EXOC6B: variants seen among roughly 807,000 people sequenced by gnomAD.
EXOC6B encodes SEC15 homolog B.
A neutral mutation model predicts 113.5 loss-of-function variants in EXOC6B; 54 were observed. That is an observed-to-expected ratio of 0.48 (90% confidence interval 0.38 to 0.60). The LOEUF is 0.60. EXOC6B is among the 20% of genes least tolerant of loss of function. EXOC6B has a pLI of 0.00. For synonymous variants in EXOC6B, 357 were observed against 339.0 expected, an observed-to-expected ratio of 1.05 and a Z score of -0.58; for missense variants, 797 against 977.5, an observed-to-expected ratio of 0.82 and a Z score of 2.46.
At chr2:72,792,410 C>T (rs906803425) in intron 1 of EXOC6B, among the ~76,000 whole-genome samples, 10 of 152,196 alleles carry the variant, frequency 6.6e-5, no homozygotes, top group Non-Finnish European at 1.2e-4. Flanking sequence ...GCCCAGTTAG[C>T]ATGGCATATG....
chr2:72,717,172 G>A (rs1010585358), intron 6 of EXOC6B, among the ~76,000 whole-genome samples: 1 of 152,146 alleles, frequency 6.6e-6, no homozygotes, highest in Middle Eastern at 3.2e-3. Flanking sequence ...ATTCCCTGAG[G>A]AAAGGGTAAC....
Position 72,730,987 on chromosome 2 carries a change from C to T in EXOC6B, c.464+20G>A, listed in dbSNP as rs773720573. ...GAAATTTTAGATAGTAAAAACTGTT[C>T]GATTAAAAAAAAATCTTACCTTTTA... On this transcript the variant is annotated intron_variant, in intron 5 of 21. Coordinates refer to ENST00000272427, the MANE Select transcript of EXOC6B (RefSeq NM_015189.3). 1.1e-5 allele frequency: 16 copies of T among 1,508,392 alleles called. No homozygotes were observed. The highest frequency in any genetic ancestry group is 7.8e-5 in the South Asian group (6 of 76,850). 93.4% of individuals were successfully genotyped at this position (1,508,392 alleles called of 1,614,324 possible).
chr2:72,567,749 A>C (rs909503584), intron 7 of EXOC6B, among the ~76,000 whole-genome samples: 3 of 152,096 alleles, frequency 2.0e-5, no homozygotes, highest in African/African-American at 7.2e-5. Flanking sequence ...AACAAGTGGA[A>C]AATGAAAATG....
chr2:72,279,996 T>C (rs1323893943), intron 20 of EXOC6B, among the ~76,000 whole-genome samples: 2 of 152,124 alleles, frequency 1.3e-5, no homozygotes, highest in East Asian at 3.9e-4. Flanking sequence ...CATCTAACAA[T>C]GATGGCAACA....
Position 72,208,321 on chromosome 2 carries a change from A to C in EXOC6B, c.2197-24134T>G, listed in dbSNP as rs549804296. The stretch of plus-strand genomic sequence containing the variant: ...GCTCAATGTTTTGTTCCCACTTATA[A>C]TTGAGAACATGCAGTGTTTGGCTTT... On this transcript the variant is annotated intron_variant, in intron 20 of 21. Transcript: ENST00000272427. 3.3e-5 allele frequency among the ~76,000 whole-genome samples: 5 copies of C among 152,042 alleles called. No individual in the cohort carries two copies. The South Asian group carries it at 8.3e-4, about 25-fold the overall frequency.
At chr2:72,527,235 T>A (rs903433831) in intron 8 of EXOC6B, among the ~76,000 whole-genome samples, 1 of 152,004 alleles carries the variant, frequency 6.6e-6, no homozygotes, top group African/African-American at 2.4e-5. Flanking sequence ...TTGCAAAAAA[T>A]CCAGTTACAC....
intron 18 of EXOC6B, chr2:72,462,409 T>C (rs1223639473): frequency 1.3e-5 from 2 of 152,134 alleles, no homozygotes; most frequent in African/African-American, 4.8e-5. Context: ...GTTTGAAATG[T>C]TTGAGCCTTG....
intron 20 of EXOC6B, among the ~76,000 whole-genome samples, chr2:72,258,853 T>C (rs1683523052): frequency 6.6e-6 from 1 of 152,204 alleles, no homozygotes; most frequent in African/African-American, 2.4e-5. Flanking sequence ...TTCAAAATTT[T>C]CAAACATACA....
intron 6 of EXOC6B, among the ~76,000 whole-genome samples, chr2:72,653,891 G>T (rs1303689758): frequency 6.6e-6 from 1 of 151,970 alleles, no homozygotes; most frequent in Non-Finnish European, 1.5e-5. Context: ...CAACAAAATG[G>T]TTGTAGGTCT....
chr2:72,328,767 C>T (rs553922909), intron 20 of EXOC6B, among the ~76,000 whole-genome samples: 1 of 152,170 alleles, frequency 6.6e-6, no homozygotes, highest in Non-Finnish European at 1.5e-5. Context: ...GATATGATGA[C>T]CCTGGATTTC....
intron 6 of EXOC6B, among the ~76,000 whole-genome samples, chr2:72,611,085 A>T (rs1303944676): frequency 1.3e-5 from 2 of 152,192 alleles, no homozygotes; most frequent in African/African-American, 4.8e-5. Context: ...TAAGGTGGCC[A>T]GGTGTGGTGG....
intron 8 of EXOC6B, among the ~76,000 whole-genome samples, chr2:72,516,230 G>A (rs1701205323): frequency 6.6e-6 from 1 of 151,950 alleles, no homozygotes; most frequent in African/African-American, 2.4e-5. Context: ...ACTTATTACT[G>A]AATTCTTCTA....
At chr2:72,666,061 A>G (rs1427423137) in intron 6 of EXOC6B, among the ~76,000 whole-genome samples, 2 of 152,236 alleles carry the variant, frequency 1.3e-5, no homozygotes, top group Admixed American at 1.3e-4. Context: ...GATAAACCAG[A>G]TGTAAACCAA....
chr2:72,306,929 T>C (rs1017072755), intron 20 of EXOC6B, among the ~76,000 whole-genome samples: 1 of 152,214 alleles, frequency 6.6e-6, no homozygotes, highest in Non-Finnish European at 1.5e-5. Context: ...ATTACTTTCA[T>C]GTTGCTTTTT....
rs559113802 is a variant in EXOC6B at position 72,468,014 on chromosome 2, G to A, written c.1801-2675C>T. ...TCGAACTCTTGACCTCAAGTGATTCGCCTGCCTCAGCCTCCTAAAGTGCTG... is the reference window on the plus strand; with the variant it reads ...TCGAACTCTTGACCTCAAGTGATTCACCTGCCTCAGCCTCCTAAAGTGCTG... On this transcript the variant is annotated intron_variant, in intron 17 of 21. Transcript: ENST00000272427. Among the ~76,000 whole-genome samples, 20 of 151,948 alleles carry A rather than the reference G, an allele frequency of 1.3e-4. No homozygotes were observed. In the East Asian group the frequency reaches 3.9e-3, roughly 29 times the overall value.
intron 18 of EXOC6B, among the ~76,000 whole-genome samples, chr2:72,458,246 C>T (rs1214571423): frequency 1.8e-4 from 27 of 152,132 alleles, no homozygotes; most frequent in Non-Finnish European, 4.4e-5. Flanking sequence ...CAGAAACGAA[C>T]TCTTTTCTCT....
In EXOC6B at chr2:72,434,897, C is replaced by G. The variant is rs144937471; in HGVS notation, c.1980+30263G>C. ...ATTTTTTGAAGGGTTTTTCATGTCT[C>G]TATCTCCTTCAGTTCTGCTCTGATC... On this transcript the variant is annotated intron_variant, in intron 18 of 21. Coordinates refer to ENST00000272427, the MANE Select transcript of EXOC6B (RefSeq NM_015189.3). Among the ~76,000 whole-genome samples, 404 of 152,182 alleles carry G rather than the reference C, an allele frequency of 2.7e-3. 9 individuals are homozygous for G. Among genetic ancestry groups the G allele is most frequent in the Non-Finnish European group, 8.5e-4 (58 of 68,012 alleles).
chr2:72,509,203 C>A (rs1192164927), intron 11 of EXOC6B, among the ~76,000 whole-genome samples: 2 of 152,180 alleles, frequency 1.3e-5, no homozygotes, highest in Non-Finnish European at 2.9e-5. Context: ...GAGAAGGCAG[C>A]CTTCTGTAAG....
chr2:72,515,651 A>T, intron 8 of EXOC6B: 1 of 989,348 alleles, frequency 1.0e-6, no homozygotes, highest in Non-Finnish European at 1.2e-6. Flanking sequence ...AAGCATGAAG[A>T]TTCCTGGTGC....
Sources: gnomAD v4.1 joint callset for allele counts (sites outside exome capture counted in the v4.1 genomes callset) on GRCh38, gnomAD v4.1.1 for gene constraint, MANE v1.5 for transcripts, NCBI Gene and HGNC (gene_info 2026-07-23, HGNC 2026-07-21) for gene names.